Variants in PSMD1 observed in about 807,000 individuals in gnomAD.
PSMD1 encodes the protein proteasome 26S subunit, non-ATPase 1.
PSMD1 carries 18 observed loss-of-function variants against 119.0 expected under a neutral mutation model. The observed-to-expected ratio is 0.15, with a 90% CI of 0.10 to 0.22. The LOEUF (loss-of-function observed/expected upper bound fraction) is 0.22. Ranked by LOEUF, PSMD1 falls within the 10% of genes least tolerant of loss-of-function variation. PSMD1 has a pLI of 1.00. For missense variants in PSMD1, 702 were observed against 1,158.5 expected, an observed-to-expected ratio of 0.61 and a Z score of 5.72; for synonymous variants, 374 against 396.6, an observed-to-expected ratio of 0.94 and a Z score of 0.68.
rs140291374 is a variant in PSMD1, at chr2:231,099,181, G to A, written c.1883+12000G>A. Among the ~76,000 whole-genome samples, 524 of 152,252 alleles carry A rather than the reference G, an allele frequency of 3.4e-3. 3 individuals are homozygous for A. The highest frequency in any genetic ancestry group is 0.012 in the African/African-American group (483 of 41,538). ...TTAGATAGTCTAAGGGATCCCATGC[G>A]CTGGAATTTTTAGGCATGAGAGCTG... On this transcript the variant is annotated intron_variant, in intron 16 of 24. Transcript: ENST00000308696.
chr2:231,162,468 A>C (rs1347646013), intron 20 of PSMD1, among the ~76,000 whole-genome samples: 2 of 152,224 alleles, frequency 1.3e-5, no homozygotes, highest in African/African-American at 4.8e-5. Flanking sequence ...TATTGTCAGA[A>C]CAAGAATCCC....
At position 231,138,811 on chromosome 2, in the gene PSMD1, A is replaced by G; in HGVS notation, c.1959A>G (p.Ala653=). ...SYNPHVRYGA[A]MALGICCAGT... is the part of the protein sequence containing the mutation. The stretch of plus-strand genomic sequence containing the variant: ...ACCCTCATGTGCGCTACGGAGCTGC[A>G]ATGGCCTTGGGGATATGCTGTGCTG... Residue 653 remains alanine (A), a synonymous_variant, in exon 17 of 25, where the codon GCA becomes GCG. Coordinates refer to ENST00000308696, the MANE Select transcript of PSMD1 (RefSeq NM_002807.4). 6.2e-7 allele frequency: 1 copy of G among 1,614,146 alleles called. No homozygotes were observed.
At chr2:231,072,088 C>A in intron 6 of PSMD1, 101 bp from the exon 7 acceptor site, 1 of 955,614 alleles carries the variant, frequency 1.0e-6, no homozygotes, top group Non-Finnish European at 1.6e-6. Flanking sequence ...TTTGCCTGTG[C>A]TTATATTTTA....
At chr2:231,120,863 G>A (rs1695518078) in intron 16 of PSMD1, among the ~76,000 whole-genome samples, 1 of 152,198 alleles carries the variant, frequency 6.6e-6, no homozygotes, top group Non-Finnish European at 1.5e-5. Context: ...CAATAAGAGT[G>A]TAAAGTCTAA....
intron 16 of PSMD1, among the ~76,000 whole-genome samples, chr2:231,101,068 GAGTT>G (rs1185896707): frequency 6.6e-6 from 1 of 152,208 alleles, no homozygotes; most frequent in Admixed American, 6.5e-5. Flanking sequence ...GGGCTGAAGA[GAGTT>G]AGCCACCCCG....
At chr2:231,076,629 G>A (rs1395767430) in intron 8 of PSMD1, among the ~76,000 whole-genome samples, 2 of 151,974 alleles carry the variant, frequency 1.3e-5, no homozygotes, top group African/African-American at 4.8e-5. Context: ...ACCCCAGCTG[G>A]GGCAACAGAG....
Position 231,066,609 on chromosome 2 carries a change from G to A in PSMD1, c.305-297G>A, listed in dbSNP as rs565686491. ...GCTCAGGCTGGCGTTGAACTCCTGG[G>A]CTCATGTGATCCTCCTGCCTCAGCC... On this transcript the variant is annotated intron_variant, in intron 4 of 24. Coordinates refer to ENST00000308696, the MANE Select transcript of PSMD1 (RefSeq NM_002807.4). 4.3e-4 allele frequency among the ~76,000 whole-genome samples: 66 copies of A among 152,246 alleles called. 1 individual carries two copies. Among genetic ancestry groups the A allele is most frequent in the African/African-American group, 1.5e-3 (64 of 41,532 alleles).
At position 231,156,479 on chromosome 2, in the gene PSMD1, A is replaced by T. The variant is rs7572301; in HGVS notation, c.2218+2813A>T. 5.1e-3 allele frequency among the ~76,000 whole-genome samples: 782 copies of T among 152,202 alleles called. 6 individuals are homozygous for T. Among genetic ancestry groups the T allele is most frequent in the African/African-American group, 0.018 (741 of 41,552 alleles). On this transcript the variant is annotated intron_variant, in intron 19 of 24. Coordinates refer to ENST00000308696, the MANE Select transcript of PSMD1 (RefSeq NM_002807.4). ...ACAAAATAGTTTCACTACCCTAAAA[A>T]TTCCCTGTGCTTAACCTATTTATCC... is the stretch of plus-strand genomic sequence containing the variant.
intron 16 of PSMD1, chr2:231,109,180 C>A (rs1695070581): frequency 1.2e-6 from 2 of 1,614,050 alleles, no homozygotes; most frequent in Admixed American, 3.3e-5. Context: ...ACACAGTCAA[C>A]CATGTTAGGC....
At chr2:231,133,026 G>C (rs377059087) in intron 16 of PSMD1, among the ~76,000 whole-genome samples, 10 of 152,198 alleles carry the variant, frequency 6.6e-5, no homozygotes, top group East Asian at 5.8e-4. Context: ...TCCTTTCTTT[G>C]TGGGTTTTTA....
chr2:231,080,379 A>G, intron 12 of PSMD1, 65 bp downstream of exon 12: 2 of 1,322,160 alleles, frequency 1.5e-6, no homozygotes, highest in Non-Finnish European at 2.0e-6. Flanking sequence ...TATTTGCCAC[A>G]TTATTTTAGT....
At chr2:231,077,254 C>A in intron 9 of PSMD1, 92 bp downstream of exon 9, 1 of 960,256 alleles carries the variant, frequency 1.0e-6, no homozygotes, top group Non-Finnish European at 1.4e-6. Context: ...TGGATACTTT[C>A]TTTATTTTAT....
intron 16 of PSMD1, among the ~76,000 whole-genome samples, chr2:231,117,133 T>A (rs1395510253): frequency 1.3e-5 from 2 of 152,070 alleles, no homozygotes; most frequent in Non-Finnish European, 2.9e-5. Context: ...TAGCTCAAAG[T>A]CAGAAAAGTT....
intron 16 of PSMD1, among the ~76,000 whole-genome samples, chr2:231,126,889 TAATA>T (rs1448217521): frequency 7.9e-5 from 12 of 152,116 alleles, no homozygotes; most frequent in African/African-American, 2.4e-4. Flanking sequence ...AGCAAAATAA[TAATA>T]AATAAATAAT....
intron 16 of PSMD1, 101 bp downstream of exon 16, chr2:231,087,282 C>A: frequency 1.1e-6 from 1 of 909,178 alleles, no homozygotes; most frequent in South Asian, 1.5e-5. Context: ...TAAACAAAAA[C>A]TAAATACCTG....
intron 19 of PSMD1, among the ~76,000 whole-genome samples, chr2:231,157,586 T>G (rs373980908): frequency 0.023 from 3,542 of 150,848 alleles, 138 homozygotes; most frequent in African/African-American, 0.079. Flanking sequence ...TTCTTTTTTT[T>G]GGGGGGGGCC....
Position 231,108,895 on chromosome 2 carries a change from A to G in PSMD1, c.1883+21714A>G, listed in dbSNP as rs200710969. The G allele has an allele frequency of 2.0e-5, 33 of 1,614,174 alleles. No homozygotes were observed. In the Admixed American group the frequency reaches 4.0e-4, roughly 20 times the overall value. ...ATATCTCCAGGAGCATTTGGAGAGTAGTTTGGTTACAGGAATCACATAAAA... is the reference window on the plus strand; with the variant it reads ...ATATCTCCAGGAGCATTTGGAGAGTGGTTTGGTTACAGGAATCACATAAAA... On this transcript the variant is annotated intron_variant, in intron 16 of 24. Coordinates refer to ENST00000308696, the MANE Select transcript of PSMD1 (RefSeq NM_002807.4).
rs565690453 is a variant in PSMD1 at position 231,165,393 on chromosome 2, A to C, written c.2568+107A>C. ...TCTACCTTGCTCTTGGCTTCCTTCA[A>C]ACAATTATCCTGTTGCCAGCATGTA... On this transcript the variant is annotated intron_variant, in intron 22 of 24. Transcript: ENST00000308696. The C allele has an allele frequency of 5.8e-5, 74 of 1,283,930 alleles. No individual in the cohort carries two copies. The African/African-American group carries it at 1.0e-3, about 18-fold the overall frequency. The allele number at this position is 1,283,930 out of a possible 1,614,324, so 79.5% of individuals were successfully genotyped here.
At chr2:231,086,912 T>TATAAAA (rs1324806177) in intron 15 of PSMD1, among the ~76,000 whole-genome samples, 4 of 152,144 alleles carry the variant, frequency 2.6e-5, no homozygotes, top group Non-Finnish European at 5.9e-5. Context: ...ACCCTGTCTC[T>TATAAAA]ATAAAAATAA....
Sources: gnomAD v4.1 joint callset for allele counts (sites outside exome capture counted in the v4.1 genomes callset) on GRCh38, gnomAD v4.1.1 for gene constraint, MANE v1.5 for transcripts, NCBI Gene and HGNC (gene_info 2026-07-23, HGNC 2026-07-21) for gene names.